Variants in UNC13C observed in about 807,000 individuals in gnomAD.
The protein encoded by UNC13C is protein unc-13 homolog C.
In UNC13C, 174 loss-of-function variants were observed where a neutral mutation model predicts 245.4. The observed-to-expected ratio is 0.71, with a 90% CI of 0.63 to 0.80. The LOEUF is 0.80. UNC13C is among the 30% of genes least tolerant of loss of function. UNC13C has a pLI of 0.00. For missense variants in UNC13C, 2,829 were observed against 2,602.9 expected (o/e 1.09, Z -1.89); for synonymous variants, 992 against 895.1 (o/e 1.11, Z -1.93).
chr15:54,166,896 C>G (rs2033181082), intron 4 of UNC13C, among the ~76,000 whole-genome samples: 1 of 152,100 alleles, frequency 6.6e-6, no homozygotes, highest in Non-Finnish European at 1.5e-5. Flanking sequence ...TTGATAAAAT[C>G]TCAGTTTTCT....
chr15:53,972,068 G>C, the UNC13C span, among the ~76,000 whole-genome samples: 3 of 152,106 alleles, frequency 2.0e-5, no homozygotes, highest in Non-Finnish European at 4.4e-5. Flanking sequence ...TTATTAATTT[G>C]TGATTTAGCT....
intron 2 of UNC13C, among the ~76,000 whole-genome samples, chr15:54,037,570 A>G (rs957213124): frequency 1.3e-5 from 2 of 150,870 alleles, no homozygotes; most frequent in Admixed American, 6.6e-5. Context: ...GAATTTATAT[A>G]TATTTTTTTA....
At chr15:53,872,023 A>G in the UNC13C span, among the ~76,000 whole-genome samples, 2 of 152,216 alleles carry the variant, frequency 1.3e-5, no homozygotes, top group Non-Finnish European at 2.9e-5. Flanking sequence ...GAGAACCTGC[A>G]GAGAGCAACT....
chr15:53,884,625 G>T, the UNC13C span, among the ~76,000 whole-genome samples: 2 of 152,012 alleles, frequency 1.3e-5, no homozygotes, highest in Non-Finnish European at 2.9e-5. Context: ...ATGAGTCATC[G>T]CACCTGGCCA....
At chr15:54,081,455 G>C (rs1173281581) in intron 2 of UNC13C, among the ~76,000 whole-genome samples, 1 of 151,970 alleles carries the variant, frequency 6.6e-6, no homozygotes. Context: ...ATTTGTTTGT[G>C]AATCTTGGTA....
chr15:54,590,507 T>A (rs1329428028), intron 30 of UNC13C, among the ~76,000 whole-genome samples: 5 of 152,188 alleles, frequency 3.3e-5, no homozygotes, highest in African/African-American at 1.2e-4. Flanking sequence ...TCTGACTCTT[T>A]TGTTAGGTAT....
intron 4 of UNC13C, among the ~76,000 whole-genome samples, chr15:54,183,577 T>G (rs963800065): frequency 6.6e-6 from 1 of 152,076 alleles, no homozygotes; most frequent in Admixed American, 6.6e-5. Context: ...TATTTTTGTT[T>G]GTGTTAAAAT....
chr15:54,424,032 T>C (rs1241944505), intron 19 of UNC13C, among the ~76,000 whole-genome samples: 1 of 151,888 alleles, frequency 6.6e-6, no homozygotes, highest in African/African-American at 2.4e-5. Context: ...CCTTAGGTGC[T>C]CATTGCTGCC....
At chr15:53,950,277 G>C in the UNC13C span, among the ~76,000 whole-genome samples, 3 of 152,264 alleles carry the variant, frequency 2.0e-5, no homozygotes, top group South Asian at 6.2e-4. Flanking sequence ...GACAATAATA[G>C]TCCCATCTTA....
At position 54,627,246 on chromosome 15, in the gene UNC13C, A is replaced by G. The variant is rs1456607426; in HGVS notation, c.*133A>G. 1.0e-6 allele frequency: 1 copy of G among 955,812 alleles called. No individual in the cohort carries two copies. Among genetic ancestry groups the G allele is most frequent in the Non-Finnish European group, 1.5e-6 (1 of 684,256 alleles). The allele number at this position is 955,812 out of a possible 1,614,324, so 59.2% of individuals were successfully genotyped here. ...CATGTACGATGTCTACAAGGTATGT[A>G]AAAAACCTGCTGAACTTTTATACCA... is the stretch of plus-strand genomic sequence containing the variant. On this transcript the variant is annotated 3_prime_UTR_variant, in exon 33 of 33. Coordinates refer to ENST00000260323, the MANE Select transcript of UNC13C (RefSeq NM_001080534.3).
intron 10 of UNC13C, among the ~76,000 whole-genome samples, chr15:54,290,480 A>G (rs2037267897): frequency 6.6e-6 from 1 of 152,106 alleles, no homozygotes; most frequent in African/African-American, 2.4e-5. Flanking sequence ...GTACACTTAT[A>G]CAAGGAACAT....
At chr15:54,343,368 G>T (rs2038782290) in intron 17 of UNC13C, among the ~76,000 whole-genome samples, 1 of 151,954 alleles carries the variant, frequency 6.6e-6, no homozygotes, top group East Asian at 2.0e-4. Context: ...CCTGACCTCA[G>T]GGGATCCACC....
chr15:54,146,341 A>G (rs2032257466), intron 4 of UNC13C, among the ~76,000 whole-genome samples: 1 of 152,274 alleles, frequency 6.6e-6, no homozygotes, highest in East Asian at 1.9e-4. Flanking sequence ...GCCAAACGAC[A>G]TTCATCCTTC....
At chr15:54,181,395 G>C (rs1403239800) in intron 4 of UNC13C, among the ~76,000 whole-genome samples, 1 of 151,956 alleles carries the variant, frequency 6.6e-6, no homozygotes, top group African/African-American at 2.4e-5. Flanking sequence ...TGCTTTGGTA[G>C]TTGTGGCTTT....
chr15:54,463,251 C>A (rs1423102043), intron 19 of UNC13C, among the ~76,000 whole-genome samples: 1 of 27,770 alleles, frequency 3.6e-5, no homozygotes, highest in Non-Finnish European at 6.6e-5. Flanking sequence ...ATGGGCCAAT[C>A]AGTAGAATGT....
At chr15:53,875,795 T>G in the UNC13C span, among the ~76,000 whole-genome samples, 1 of 152,224 alleles carries the variant, frequency 6.6e-6, no homozygotes, top group African/African-American at 2.4e-5. Context: ...TGTGGCATTC[T>G]TTACTCAAGC....
At chr15:54,089,076 C>T (rs1474842398) in intron 2 of UNC13C, among the ~76,000 whole-genome samples, 1 of 152,182 alleles carries the variant, frequency 6.6e-6, no homozygotes, top group Non-Finnish European at 1.5e-5. Flanking sequence ...CCACCCTTCT[C>T]CTGTGCTTAC....
chr15:53,873,290 C>G, the UNC13C span, among the ~76,000 whole-genome samples: 1 of 152,104 alleles, frequency 6.6e-6, no homozygotes, highest in Non-Finnish European at 1.5e-5. Flanking sequence ...GACTGGGGTT[C>G]TTGCAAAAGA....
intron 17 of UNC13C, among the ~76,000 whole-genome samples, chr15:54,341,763 T>A (rs2038737681): frequency 1.3e-5 from 2 of 152,016 alleles, no homozygotes; most frequent in South Asian, 2.1e-4. Flanking sequence ...GATCACGAGG[T>A]CAGGAGATCG....
Sources: gnomAD v4.1 joint callset for allele counts (sites outside exome capture counted in the v4.1 genomes callset) on GRCh38, gnomAD v4.1.1 for gene constraint, MANE v1.5 for transcripts, NCBI Gene and HGNC (gene_info 2026-07-23, HGNC 2026-07-21) for gene names.